Variants in RP1 observed in about 807,000 individuals in gnomAD.
RP1 encodes the protein oxygen-regulated protein 1.
In RP1, 16 loss-of-function variants were observed where a neutral mutation model predicts 14.8. The observed-to-expected ratio is 1.08, with a 90% CI of 0.73 to 1.65. The LOEUF (loss-of-function observed/expected upper bound fraction) is 1.65, where lower values mean the gene tolerates loss of function less well. Among genes scored for constraint, RP1 ranks in the 40% most tolerant of loss-of-function variants. RP1 has a pLI of 0.00. For synonymous variants in RP1, 876 were observed against 883.6 expected (o/e 0.99, Z 0.15); for missense variants, 2,631 against 2,535.0 (o/e 1.04, Z -0.81).
rs145876108 is a variant in RP1 at position 54,698,316 on chromosome 8, G to A, written c.1718-1151G>A. On this transcript the variant is annotated intron_variant, in intron 12 of 22. Transcript: ENST00000636932. The stretch of plus-strand genomic sequence containing the variant: ...CATCATCACTGGTCATCAGAGAAAT[G>A]CAAATCAAAACCACAATGAGATACC... 3.1e-3 allele frequency among the ~76,000 whole-genome samples: 478 copies of A among 152,304 alleles called. 5 individuals carry two copies. Among genetic ancestry groups the A allele is most frequent in the African/African-American group, 0.011 (457 of 41,566 alleles).
intron 1 of RP1, among the ~76,000 whole-genome samples, chr8:54,576,220 AT>A (rs901006749): frequency 6.6e-6 from 1 of 151,668 alleles, no homozygotes; most frequent in Non-Finnish European, 1.5e-5. Context: ...TTGTTTTAGT[AT>A]TTTTAGTAGA....
At chr8:54,648,592 T>A (rs1205765308) in intron 3 of RP1, among the ~76,000 whole-genome samples, 2 of 152,096 alleles carry the variant, frequency 1.3e-5, no homozygotes, top group Non-Finnish European at 2.9e-5. Context: ...TCAAAAAATA[T>A]CCTAAAAGGC....
intron 19 of RP1, among the ~76,000 whole-genome samples, chr8:54,740,584 T>G (rs575339025): frequency 6.6e-6 from 1 of 151,794 alleles, no homozygotes; most frequent in Non-Finnish European, 1.5e-5. Flanking sequence ...TAGCTGGGCG[T>G]GGTGATATGC....
rs558681835 is a variant in RP1 at position 54,782,301 on chromosome 8, C to G, written c.3452-1246C>G. 3.3e-5 allele frequency among the ~76,000 whole-genome samples: 5 copies of G among 152,222 alleles called. No individual in the cohort carries two copies. The South Asian group carries it at 6.2e-4, about 19-fold the overall frequency. ...GAGGTACTGGGTCCATCTTTCTTAA[C>G]AAAGATGACATTATGCAAAATTTAT... On this transcript the variant is annotated intron_variant, in intron 23 of 28. Transcript: ENST00000637698.
At chr8:54,571,804 T>G (rs1337887430) in intron 1 of RP1, among the ~76,000 whole-genome samples, 1 of 152,160 alleles carries the variant, frequency 6.6e-6, no homozygotes, top group Non-Finnish European at 1.5e-5. Flanking sequence ...GGCCTTTTTT[T>G]TAGCATTTCT....
intron 17 of RP1, among the ~76,000 whole-genome samples, chr8:54,729,514 G>A (rs1485094991): frequency 6.6e-6 from 1 of 152,038 alleles, no homozygotes; most frequent in Non-Finnish European, 1.5e-5. Flanking sequence ...AGTCATGTTT[G>A]ACTAAAAATA....
At chr8:54,837,783 C>A in intron 25 of RP1, 1 of 517,858 alleles carries the variant, frequency 1.9e-6, no homozygotes, top group Non-Finnish European at 3.0e-6. Flanking sequence ...ATATCTCACA[C>A]TTCGTGGGCT....
rs61233765 is a variant in RP1, at chr8:54,863,044, GATATATATAT to G, written c.4070-2766_4070-2757del. Among the ~76,000 whole-genome samples the G allele has an allele frequency of 1.6e-3, 162 of 101,848 alleles. 2 individuals are homozygous for G. The highest frequency in any genetic ancestry group is 4.2e-3 in the South Asian group (11 of 2,598). 66.8% of individuals were successfully genotyped at this position (101,848 alleles called of 152,430 possible). A position where few individuals can be genotyped will look rare whatever the true frequency, so the allele number is the denominator to read the frequency against. On this transcript the variant is annotated intron_variant, in intron 27 of 28. Transcript: ENST00000637698. ...CTCTACCCCCAGAGTATTCCAAATG[GATATATATAT>G]ATATATATATATATATATATATATG...
chr8:54,648,337 A>C (rs1397977584), intron 3 of RP1, among the ~76,000 whole-genome samples: 2 of 152,170 alleles, frequency 1.3e-5, no homozygotes, highest in African/African-American at 4.8e-5. Context: ...ATGTACTATA[A>C]TGTTTAGTCA....
rs1156261184 is a variant in RP1 at position 54,625,566 on chromosome 8, C to A, written c.1684C>A (p.His562Asn). 2 of 1,614,030 alleles carry A rather than the reference C, an allele frequency of 1.2e-6. No homozygotes were observed. The highest frequency in any genetic ancestry group is 2.2e-5 in the South Asian group (2 of 91,078). The change falls in exon 4 of 4, where the codon CAT becomes AAT. Residue 562 changes from histidine (H) to asparagine (N), a missense_variant. Physicochemically the swap from His to Asn is moderately conservative, Grantham distance 68. Coordinates refer to ENST00000220676, the MANE Select transcript of RP1 (RefSeq NM_006269.2). The stretch of plus-strand genomic sequence containing the variant: ...AAGTCAGAAGATGTTAGAGATGTCA[C>A]ATAATAATGGTTTGCCATCAACTAT... ...ITSQKMLEMS[H>N]NNGLPSTISN...
At chr8:54,624,305 C>T (rs1040231294) in intron 3 of RP1, among the ~76,000 whole-genome samples, 2 of 151,770 alleles carry the variant, frequency 1.3e-5, no homozygotes, top group Non-Finnish European at 1.5e-5. Flanking sequence ...ATTAGCTGGG[C>T]ATGGTGGTGC....
chr8:54,836,968 TG>T (rs1811671641), intron 24 of RP1, among the ~76,000 whole-genome samples: 4 of 152,266 alleles, frequency 2.6e-5, no homozygotes, highest in Middle Eastern at 3.4e-3. Context: ...TTATGTGTTC[TG>T]GGGGGTGCAA....
rs964103651 is a variant in RP1, at chr8:54,667,768, T to G, written c.1323+3918T>G. Among the ~76,000 whole-genome samples the G allele has an allele frequency of 1.2e-4, 19 of 152,244 alleles. No homozygotes were observed. The Middle Eastern group carries it at 0.01, about 82-fold the overall frequency. ...AGTCAGAAACCTCCAGTCTGCCATA[T>G]TGCTGACATCACCCAACCCAGTGAT... On this transcript the variant is annotated intron_variant, in intron 7 of 22. Coordinates refer to the RP1 transcript ENST00000636932.
At chr8:54,714,533 C>G (rs1808359135) in intron 15 of RP1, among the ~76,000 whole-genome samples, 1 of 152,172 alleles carries the variant, frequency 6.6e-6, no homozygotes. Context: ...GAACTGAAGA[C>G]AGCAAGAAGA....
At chr8:54,612,146 TCC>T (rs1026884128), upstream of RP1, among the ~76,000 whole-genome samples, 1 of 152,146 alleles carries the variant, frequency 6.6e-6, no homozygotes, top group Non-Finnish European at 1.5e-5. Context: ...AAGAAAAACG[TCC>T]CAGGTATTAT....
chr8:54,714,587 G>T (rs186759630), intron 15 of RP1, among the ~76,000 whole-genome samples: 1 of 152,226 alleles, frequency 6.6e-6, no homozygotes, highest in East Asian at 1.9e-4. Flanking sequence ...CAACCAATCA[G>T]CAGCATTCCC....
exon 28 of RP1, chr8:54,865,882 G>C: frequency 4.9e-6 from 6 of 1,230,096 alleles, no homozygotes; most frequent in Non-Finnish European, 6.1e-6. Context: ...TGAAGATGAA[G>C]ACAGCAGTGA....
chr8:54,670,796 G>C (rs1486138883), intron 7 of RP1, among the ~76,000 whole-genome samples: 1 of 146,024 alleles, frequency 6.8e-6, no homozygotes, highest in Admixed American at 7.0e-5. Flanking sequence ...ACTCTATTTT[G>C]TCTGATATAA....
intron 1 of RP1, among the ~76,000 whole-genome samples, chr8:54,588,117 C>T (rs1051943713): frequency 6.6e-6 from 1 of 152,182 alleles, no homozygotes; most frequent in Non-Finnish European, 1.5e-5. Flanking sequence ...TATGCTGTGA[C>T]TATAACTGCA....
Sources: gnomAD v4.1 joint callset for allele counts (sites outside exome capture counted in the v4.1 genomes callset) on GRCh38, gnomAD v4.1.1 for gene constraint, MANE v1.5 for transcripts, NCBI Gene and HGNC (gene_info 2026-07-23, HGNC 2026-07-21) for gene names.